AGBL4: variants seen among roughly 807,000 people sequenced by gnomAD.
AGBL4 encodes the protein cytosolic carboxypeptidase 6.
AGBL4 carries 58 observed loss-of-function variants against 66.4 expected under a neutral mutation model. The ratio of observed to expected loss-of-function variants is 0.87; its 90% confidence interval spans 0.71 to 1.09. The LOEUF is 1.09. AGBL4 is among the 50% of genes least tolerant of loss of function. The pLI, the probability that AGBL4 is intolerant of heterozygous loss-of-function variation, is 0.00. For synonymous variants in AGBL4, 234 were observed against 222.9 expected (o/e 1.05, Z -0.44); for missense variants, 579 against 631.0 (o/e 0.92, Z 0.88).
chr1:48,969,503 A>T (rs978458814), intron 5 of AGBL4, among the ~76,000 whole-genome samples: 1 of 152,110 alleles, frequency 6.6e-6, no homozygotes, highest in African/African-American at 2.4e-5. Context: ...TATTTGTCCC[A>T]CAGAGATTTG....
intron 3 of AGBL4, among the ~76,000 whole-genome samples, chr1:49,370,499 T>C (rs1263523095): frequency 6.6e-6 from 1 of 152,152 alleles, no homozygotes; most frequent in Non-Finnish European, 1.5e-5. Flanking sequence ...ACCCAAATTA[T>C]TGTGGGCAAC....
chr1:49,635,684 C>T (rs1645657643), intron 3 of AGBL4, among the ~76,000 whole-genome samples: 1 of 152,098 alleles, frequency 6.6e-6, no homozygotes, highest in Admixed American at 6.6e-5. Context: ...CATAAAACCA[C>T]AGTGAGAAAC....
At chr1:48,589,201 T>C (rs1419648174) in intron 10 of AGBL4, among the ~76,000 whole-genome samples, 1 of 152,222 alleles carries the variant, frequency 6.6e-6, no homozygotes, top group Non-Finnish European at 1.5e-5. Flanking sequence ...CATTAAATGC[T>C]GGGTGACCTT....
intron 2 of AGBL4, among the ~76,000 whole-genome samples, chr1:49,781,702 A>C (rs1467376333): frequency 6.6e-6 from 1 of 152,164 alleles, no homozygotes; most frequent in Non-Finnish European, 1.5e-5. Flanking sequence ...CACGAAGTAC[A>C]CACAGAACAT....
chr1:49,610,658 C>G (rs1645138379), intron 3 of AGBL4, among the ~76,000 whole-genome samples: 1 of 152,192 alleles, frequency 6.6e-6, no homozygotes, highest in Non-Finnish European at 1.5e-5. Flanking sequence ...CCCTTCTCCC[C>G]TGTGAGGATA....
intron 6 of AGBL4, among the ~76,000 whole-genome samples, chr1:48,747,519 T>C (rs1215297120): frequency 6.6e-6 from 1 of 152,216 alleles, no homozygotes; most frequent in Non-Finnish European, 1.5e-5. Context: ...AGTTCAGATT[T>C]AACATGTGAA....
chr1:48,675,999 T>C (rs763302291), intron 6 of AGBL4, among the ~76,000 whole-genome samples: 1 of 152,244 alleles, frequency 6.6e-6, no homozygotes, highest in African/African-American at 2.4e-5. Flanking sequence ...AATGCCATTA[T>C]GTGCTCCTCG....
intron 8 of AGBL4, among the ~76,000 whole-genome samples, chr1:48,649,185 TA>T (rs535330344): frequency 3.7e-4 from 56 of 152,186 alleles, no homozygotes; most frequent in African/African-American, 1.3e-3. Flanking sequence ...GTCACATAAA[TA>T]AACACATAAT....
chr1:49,486,514 T>C (rs901560669), intron 3 of AGBL4, among the ~76,000 whole-genome samples: 4 of 151,984 alleles, frequency 2.6e-5, no homozygotes, highest in African/African-American at 9.7e-5. Flanking sequence ...GTATAAGACC[T>C]TGTGGTCCTT....
At chr1:48,645,848 G>A (rs879377873) in intron 8 of AGBL4, among the ~76,000 whole-genome samples, 1 of 152,104 alleles carries the variant, frequency 6.6e-6, no homozygotes. Flanking sequence ...TCTGGAGCAC[G>A]TTCAGAGGAC....
At chr1:49,842,515 T>G in intron 2 of AGBL4, 1 of 987,804 alleles carries the variant, frequency 1.0e-6, no homozygotes, top group Middle Eastern at 4.5e-4. Flanking sequence ...CACAGCAAAT[T>G]TACTACTCAG....
intron 6 of AGBL4, among the ~76,000 whole-genome samples, chr1:48,818,995 T>C (rs1646251245): frequency 6.6e-6 from 1 of 152,118 alleles, no homozygotes; most frequent in South Asian, 2.1e-4. Context: ...AGGAAGCAAG[T>C]ATTAAAAATA....
intron 1 of AGBL4, among the ~76,000 whole-genome samples, chr1:49,999,517 A>G (rs1372491467): frequency 2.0e-5 from 3 of 152,140 alleles, no homozygotes; most frequent in Admixed American, 2.0e-4. Flanking sequence ...AAAACTATCT[A>G]CAAATTCAAT....
chr1:49,876,972 T>A (rs1267937660), intron 1 of AGBL4, among the ~76,000 whole-genome samples: 2 of 151,630 alleles, frequency 1.3e-5, no homozygotes, highest in African/African-American at 4.9e-5. Context: ...CTGTTGTTGG[T>A]GTATAGGAAT....
intron 4 of AGBL4, among the ~76,000 whole-genome samples, chr1:49,110,270 T>G (rs1253363581): frequency 6.6e-6 from 1 of 152,160 alleles, no homozygotes; most frequent in African/African-American, 2.4e-5. Context: ...TCCACCTACC[T>G]TATCCAGGCC....
rs539146704 is a variant in AGBL4, at chr1:49,785,959, A to G, written c.157+65437T>C. ...CACCTACGTTATGGGAAAAGGTATC[A>G]GGAAGAAAAAAGGACTGTCTTCTCA... On this transcript the variant is annotated intron_variant, in intron 2 of 13. Coordinates refer to ENST00000371839, the MANE Select transcript of AGBL4 (RefSeq NM_032785.4). Among the ~76,000 whole-genome samples, 34 of 151,360 alleles carry G rather than the reference A, an allele frequency of 2.2e-4. 1 individual carries two copies. The South Asian group carries it at 6.9e-3, about 31-fold the overall frequency.
intron 2 of AGBL4, chr1:49,846,190 C>T: frequency 6.9e-7 from 1 of 1,458,054 alleles, no homozygotes; most frequent in Non-Finnish European, 9.6e-7. Context: ...CCTTCAACCA[C>T]AGCTCCTCAC....
chr1:49,658,427 A>G (rs982919677), intron 3 of AGBL4, among the ~76,000 whole-genome samples: 2 of 152,238 alleles, frequency 1.3e-5, no homozygotes, highest in Non-Finnish European at 2.9e-5. Flanking sequence ...AAACTCGTTC[A>G]ACCATTGTGG....
intron 5 of AGBL4, among the ~76,000 whole-genome samples, chr1:48,964,244 G>T (rs1419143): frequency 0.11 from 17,045 of 152,206 alleles, 1,485 homozygotes; most frequent in African/African-American, 0.23. Flanking sequence ...AGCCAGTTCT[G>T]CACCTGGTTC....
Sources: allele counts gnomAD v4.1 joint callset (sites outside exome capture counted in the v4.1 genomes callset), GRCh38; gene constraint gnomAD v4.1.1; transcripts MANE v1.5; gene names NCBI Gene and HGNC (gene_info 2026-07-23, HGNC 2026-07-21).